SPEG: variants seen among roughly 807,000 people sequenced by gnomAD.
The protein encoded by SPEG is striated muscle preferentially expressed protein kinase.
Under a neutral mutation model 300.4 loss-of-function variants are expected in SPEG, and 114 were observed. That is an observed-to-expected ratio of 0.38 (90% CI 0.33 to 0.44). The LOEUF (loss-of-function observed/expected upper bound fraction) is 0.44. Ranked by LOEUF, SPEG falls within the 20% of genes least tolerant of loss-of-function variation. SPEG has a pLI of 1.00. For missense variants in SPEG, 4,201 were observed against 4,586.2 expected (o/e 0.92, Z 2.43); for synonymous variants, 1,964 against 2,018.9 (o/e 0.97, Z 0.73).
At chr2:219,467,026 C>T in intron 9 of SPEG, 148 bp from the exon 10 acceptor site, 1 of 1,164,194 alleles carries the variant, frequency 8.6e-7, no homozygotes, top group Non-Finnish European at 1.2e-6. Context: ...GCTGTCCTGG[C>T]CAGGTGGGTG....
chr2:219,471,185 G>A (rs1417734821), intron 13 of SPEG, among the ~76,000 whole-genome samples: 1 of 152,188 alleles, frequency 6.6e-6, no homozygotes, highest in Non-Finnish European at 1.5e-5. Flanking sequence ...GGCTTCATGG[G>A]CTGTACCCAC....
intron 6 of SPEG, among the ~76,000 whole-genome samples, chr2:219,457,594 AAAAC>A (rs748796308): frequency 3.3e-5 from 5 of 152,218 alleles, no homozygotes; most frequent in African/African-American, 4.8e-5. Context: ...AACAAAAGCA[AAAAC>A]AAACAAACAA....
At chr2:219,462,662 A>T (rs1417865597) in intron 8 of SPEG, among the ~76,000 whole-genome samples, 1 of 152,218 alleles carries the variant, frequency 6.6e-6, no homozygotes, top group East Asian at 1.9e-4. Flanking sequence ...CACGCCTGTA[A>T]TCCCAGCATT....
chr2:219,443,371 A>G lies in SPEG; in HGVS notation c.389-1282A>G, dbSNP rs1689065232. 1.7e-6 allele frequency: 1 copy of G among 603,252 alleles called. No homozygotes were observed. Among genetic ancestry groups the G allele is most frequent in the Non-Finnish European group, 3.0e-6 (1 of 332,386 alleles). The allele number at this position is 603,252 out of a possible 1,614,324, so 37.4% of individuals were successfully genotyped here. On this transcript the variant is annotated intron_variant, in intron 1 of 40. Coordinates refer to ENST00000312358, the MANE Select transcript of SPEG (RefSeq NM_005876.5). The surrounding 1 kb of genome is among the most constrained non-coding windows in gnomAD (Gnocchi z 4.6). ...GGGCGGCTCACTAGCACACCCCTGC[A>G]TGGACTGGGTGCCCTGTTCTCCATG...
chr2:219,470,756 C>A (rs1381496680), intron 13 of SPEG, among the ~76,000 whole-genome samples: 2 of 150,408 alleles, frequency 1.3e-5, no homozygotes, highest in Non-Finnish European at 3.0e-5. Flanking sequence ...TCACATGGTA[C>A]CAAGGTCAAA....
rs746137891 is a variant in SPEG at position 219,480,150 on chromosome 2, G to T, written c.5342+10G>T. 1.6e-5 allele frequency: 26 copies of T among 1,613,090 alleles called. No individual in the cohort carries two copies. Among genetic ancestry groups the T allele is most frequent in the Non-Finnish European group, 2.2e-5 (26 of 1,179,606 alleles). ...GAGTCACTGACATCTGGTAAGGCTG[G>T]CATGCTGGGCTGGGCCGACCAGGGC... is the stretch of plus-strand genomic sequence containing the variant. On this transcript the variant is annotated intron_variant, in intron 25 of 40. Coordinates refer to ENST00000312358, the MANE Select transcript of SPEG (RefSeq NM_005876.5). The surrounding 1 kb of genome is among the most constrained non-coding windows in gnomAD (Gnocchi z 5.3).
At chr2:219,457,760 T>C (rs576753745) in intron 6 of SPEG, among the ~76,000 whole-genome samples, 9 of 152,288 alleles carry the variant, frequency 5.9e-5, no homozygotes, top group Admixed American at 1.3e-4. Flanking sequence ...CAGTGGATGC[T>C]CCACTCCTTA....
intron 13 of SPEG, 22 bp downstream of exon 13, chr2:219,469,401 C>T (rs777518296): frequency 3.0e-5 from 47 of 1,587,532 alleles, no homozygotes; most frequent in Middle Eastern, 3.3e-4. Flanking sequence ...GGAAGTTCCC[C>T]GGGAGTGTCC....
In SPEG at chr2:219,490,236, G is replaced by A. The variant is rs116188618; in HGVS notation, c.8922-173G>A. On this transcript the variant is annotated intron_variant, in intron 36 of 40. Coordinates refer to ENST00000312358, the MANE Select transcript of SPEG (RefSeq NM_005876.5). ...GATTTACCTAAGGTACAGAGCCAGT[G>A]AGTGGCGAAGGTGGGACTCGAACCC... 8.2e-3 allele frequency among the ~76,000 whole-genome samples: 1,253 copies of A among 152,340 alleles called. 17 individuals carry two copies. The highest frequency in any genetic ancestry group is 0.029 in the African/African-American group (1,215 of 41,562).
chr2:219,454,486 T>C (rs1453530393), intron 6 of SPEG, among the ~76,000 whole-genome samples: 1 of 152,240 alleles, frequency 6.6e-6, no homozygotes, highest in Non-Finnish European at 1.5e-5. Context: ...TGCCAAGTGC[T>C]ACAGCTCTCT....
At chr2:219,440,945 A>C (rs1954846635) in intron 1 of SPEG, among the ~76,000 whole-genome samples, 1 of 152,258 alleles carries the variant, frequency 6.6e-6, no homozygotes, top group African/African-American at 2.4e-5. Context: ...TCCCATCTCC[A>C]GGACACATGG....
rs971475456 is a variant in SPEG, at chr2:219,458,302, C to T, written c.2441-3580C>T. 6.6e-6 allele frequency among the ~76,000 whole-genome samples: 1 copy of T among 152,204 alleles called. No individual in the cohort carries two copies. Among genetic ancestry groups the T allele is most frequent in the African/African-American group, 2.4e-5 (1 of 41,438 alleles). On this transcript the variant is annotated intron_variant, in intron 6 of 40. Transcript: ENST00000312358. This position sits in a 1 kb window ranked among gnomAD's most constrained non-coding sequence, Gnocchi z 4.2. ...CATGAGGCTCTGCCTATGAGGGGAGCTTGGCAAAGAGACCATGGAGCGGTG... is the reference window on the plus strand; with the variant it reads ...CATGAGGCTCTGCCTATGAGGGGAGTTTGGCAAAGAGACCATGGAGCGGTG...
Position 219,493,575 on chromosome 2 carries a change from C to T in SPEG, c.*789C>T. 1 of 466,752 alleles carries T rather than the reference C, an allele frequency of 2.1e-6. No individual in the cohort carries two copies. Among genetic ancestry groups the T allele is most frequent in the Non-Finnish European group, 4.3e-6 (1 of 231,288 alleles). 28.9% of individuals were successfully genotyped at this position (466,752 alleles called of 1,614,324 possible). The stretch of plus-strand genomic sequence containing the variant: ...CCCATGTTGTCCTGACCATCCCTCC[C>T]AGCCATCCAGCTGTCTGTCTGTCTG... On this transcript the variant is annotated 3_prime_UTR_variant, in exon 41 of 41. Transcript: ENST00000312358.
At chr2:219,453,620 G>A (rs981100388) in intron 6 of SPEG, among the ~76,000 whole-genome samples, 1 of 152,182 alleles carries the variant, frequency 6.6e-6, no homozygotes, top group African/African-American at 2.4e-5. Context: ...CAGCATCTCG[G>A]CACCTCTGCC....
In SPEG at chr2:219,479,080, C is replaced by A; in HGVS notation, c.5028-64C>A. 6.7e-7 allele frequency: 1 copy of A among 1,482,090 alleles called. No homozygotes were observed. The highest frequency in any genetic ancestry group is 9.4e-7 in the Non-Finnish European group (1 of 1,065,282). The allele number at this position is 1,482,090 out of a possible 1,614,324, so 91.8% of individuals were successfully genotyped here. On this transcript the variant is annotated intron_variant, in intron 22 of 40. Coordinates refer to ENST00000312358, the MANE Select transcript of SPEG (RefSeq NM_005876.5). The surrounding 1 kb of genome is among the most constrained non-coding windows in gnomAD (Gnocchi z 5.5). ...AACCCCGTGCTGAGCTGGGACCTGC[C>A]CTGAGCGCTGGGCTGGGCCGGGCAG...
rs924342297 is a variant in SPEG at position 219,448,459 on chromosome 2, G to A, written c.1301G>A (p.Arg434His). ...CCCTGGGTGCCCCTGCGCAAGGCCC[G>A]CTCTCTGGAGCAGCCCAAGTCGGAG... is the stretch of plus-strand genomic sequence containing the variant. ...LRPWVPLRKARSLEQPKSERG... is the reference protein window; with the variant it reads ...LRPWVPLRKAHSLEQPKSERG... The change falls in exon 4 of 41, where the codon CGC becomes CAC. Residue 434 changes from arginine (R) to histidine (H), a missense_variant. Around this residue, in one of 4 missense-constraint regions of SPEG, gnomAD observed 1,258 missense variants for 1,293.9 expected, o/e 0.97. Transcript: ENST00000312358. 65 of 1,498,996 alleles carry A rather than the reference G, an allele frequency of 4.3e-5. No homozygotes were observed. In the African/African-American group the frequency reaches 8.1e-4, roughly 19 times the overall value. 92.9% of individuals were successfully genotyped at this position (1,498,996 alleles called of 1,614,324 possible).
intron 4 of SPEG, chr2:219,450,721 T>G (rs1403796082): frequency 6.4e-6 from 1 of 155,348 alleles, no homozygotes; most frequent in Non-Finnish European, 1.4e-5. Context: ...CTGTTATTGC[T>G]TAAGTCTTGG....
chr2:219,479,100 G>A lies in SPEG; in HGVS notation c.5028-44G>A, dbSNP rs201597714. The A allele has an allele frequency of 1.2e-5, 19 of 1,586,524 alleles. No homozygotes were observed. Among genetic ancestry groups the A allele is most frequent in the South Asian group, 4.4e-5 (4 of 90,576 alleles). ...CCTGCCCTGAGCGCTGGGCTGGGCC[G>A]GGCAGTTGGCACTGGGCACTGTTCT... On this transcript the variant is annotated intron_variant, in intron 22 of 40. Coordinates refer to ENST00000312358, the MANE Select transcript of SPEG (RefSeq NM_005876.5). This position sits in a 1 kb window ranked among gnomAD's most constrained non-coding sequence, Gnocchi z 5.5.
At chr2:219,462,172 CA>C in intron 7 of SPEG, 115 bp downstream of exon 7, 1 of 1,191,938 alleles carries the variant, frequency 8.4e-7, no homozygotes, top group Non-Finnish European at 1.2e-6. Flanking sequence ...TGCTCCCATT[CA>C]AACCCTCTTA....
Sources: gnomAD v4.1 joint callset for allele counts (sites outside exome capture counted in the v4.1 genomes callset) on GRCh38, gnomAD v4.1.1 for gene constraint, gnomAD v4.1.1 regional missense constraint, Gnocchi (gnomAD v3.1) non-coding constraint, MANE v1.5 for transcripts, NCBI Gene and HGNC (gene_info 2026-07-23, HGNC 2026-07-21) for gene names.